MNAT1: variants seen among roughly 807,000 people sequenced by gnomAD.
The protein encoded by MNAT1 is MNAT1 component of CDK activating kinase.
Under a neutral mutation model 42.0 loss-of-function variants are expected in MNAT1, and 43 were observed. The ratio of observed to expected loss-of-function variants is 1.02; its 90% confidence interval spans 0.80 to 1.32. The LOEUF is 1.32. Ranked by LOEUF, MNAT1 falls within the 40% of genes most tolerant of loss-of-function variation. The probability of loss-of-function intolerance (pLI) is 0.00; values close to 1 mark genes in which losing one functional copy is unlikely to be tolerated. For synonymous variants in MNAT1, 118 were observed against 120.0 expected, an observed-to-expected ratio of 0.98 and a Z score of 0.11; for missense variants, 306 against 350.4, an observed-to-expected ratio of 0.87 and a Z score of 1.01.
At chr14:60,937,369 T>A (rs2036021103) in intron 7 of MNAT1, among the ~76,000 whole-genome samples, 1 of 152,230 alleles carries the variant, frequency 6.6e-6, no homozygotes, top group Admixed American at 6.5e-5. Context: ...GGTCTAACAT[T>A]TAAGTCTTTA....
At chr14:60,933,041 C>CCTA (rs1230428642) in intron 7 of MNAT1, among the ~76,000 whole-genome samples, 3 of 151,902 alleles carry the variant, frequency 2.0e-5, no homozygotes, top group Non-Finnish European at 4.4e-5. Context: ...AGGTAACCTA[C>CCTA]CTAACATTCT....
At chr14:60,862,199 T>A (rs1268270562) in intron 6 of MNAT1, among the ~76,000 whole-genome samples, 1 of 152,164 alleles carries the variant, frequency 6.6e-6, no homozygotes, top group African/African-American at 2.4e-5. Context: ...TATCCTCAGA[T>A]CTGAAGATTA....
At chr14:60,784,177 T>G (rs950105769) in intron 1 of MNAT1, among the ~76,000 whole-genome samples, 2 of 115,450 alleles carry the variant, frequency 1.7e-5, no homozygotes, top group Admixed American at 1.1e-4. Flanking sequence ...CATGCCTGGC[T>G]AATTTTTTTT....
chr14:60,909,566 T>TTTG (rs1464806217), intron 7 of MNAT1, among the ~76,000 whole-genome samples: 2 of 152,144 alleles, frequency 1.3e-5, no homozygotes, highest in African/African-American at 4.8e-5. Context: ...CCCAGCACCA[T>TTTG]TTATTAAATA....
chr14:60,736,840 G>A (rs1034898612), intron 1 of MNAT1, among the ~76,000 whole-genome samples: 4 of 152,016 alleles, frequency 2.6e-5, no homozygotes, highest in Non-Finnish European at 5.9e-5. Flanking sequence ...TTAGTATTCT[G>A]TCACATAATA....
chr14:60,770,996 G>A (rs2031032131), intron 1 of MNAT1, among the ~76,000 whole-genome samples: 2 of 152,080 alleles, frequency 1.3e-5, no homozygotes, highest in Non-Finnish European at 2.9e-5. Flanking sequence ...AAATTATACT[G>A]CTGTAACATT....
chr14:60,869,317 A>C (rs529662955), intron 6 of MNAT1, among the ~76,000 whole-genome samples: 1 of 151,990 alleles, frequency 6.6e-6, no homozygotes, highest in African/African-American at 2.4e-5. Flanking sequence ...CTAGGATTAC[A>C]GGCGTGAGCC....
At chr14:60,943,022 GTGTGTGTGTGTGTGT>G (rs2036203856) in intron 7 of MNAT1, among the ~76,000 whole-genome samples, 1 of 131,362 alleles carries the variant, frequency 7.6e-6, no homozygotes, top group Admixed American at 7.9e-5. Context: ...GTGTGTGTGT[GTGTGTGTGTGTGTGT>G]GTGTGTGTGT....
chr14:60,761,605 G>GTT (rs1254561103), intron 1 of MNAT1, among the ~76,000 whole-genome samples: 1 of 152,150 alleles, frequency 6.6e-6, no homozygotes, highest in African/African-American at 2.4e-5. Context: ...TTTTCAAAAA[G>GTT]TTGCAAAGCA....
chr14:60,891,640 A>G (rs1274168645), intron 7 of MNAT1, among the ~76,000 whole-genome samples: 2 of 151,948 alleles, frequency 1.3e-5, no homozygotes, highest in Non-Finnish European at 2.9e-5. Context: ...TTTAGTAGAG[A>G]CCGGGTTTTA....
chr14:60,890,487 TCA>T (rs1380715002), intron 7 of MNAT1, among the ~76,000 whole-genome samples: 1 of 152,128 alleles, frequency 6.6e-6, no homozygotes, highest in Non-Finnish European at 1.5e-5. Flanking sequence ...GAGTATTGAC[TCA>T]CACGATCACA....
chr14:60,899,438 T>G (rs1283176362), intron 7 of MNAT1, among the ~76,000 whole-genome samples: 1 of 152,162 alleles, frequency 6.6e-6, no homozygotes, highest in Non-Finnish European at 1.5e-5. Context: ...AGAAGAAAAT[T>G]TCTTGCTTGA....
intron 1 of MNAT1, among the ~76,000 whole-genome samples, chr14:60,791,125 G>A (rs114716017): frequency 2.6e-5 from 4 of 152,048 alleles, no homozygotes; most frequent in Middle Eastern, 3.4e-3. Context: ...ACACAGCTCC[G>A]TTTTTCTGGC....
At chr14:60,801,960 T>G (rs1354327016) in intron 3 of MNAT1, among the ~76,000 whole-genome samples, 1 of 152,206 alleles carries the variant, frequency 6.6e-6, no homozygotes, top group African/African-American at 2.4e-5. Context: ...AAGGTAATTC[T>G]GTAATATGCA....
At chr14:60,894,190 T>C (rs141201026) in intron 7 of MNAT1, among the ~76,000 whole-genome samples, 74 of 152,224 alleles carry the variant, frequency 4.9e-4, no homozygotes, top group South Asian at 1.0e-3. Context: ...TGTTTCAATG[T>C]AGGACTAGGA....
intron 1 of MNAT1, chr14:60,780,362 CG>C: frequency 6.3e-7 from 1 of 1,579,024 alleles, no homozygotes; most frequent in Non-Finnish European, 8.7e-7. Context: ...GGATGAAATC[CG>C]TTCAGTCATC....
intron 7 of MNAT1, among the ~76,000 whole-genome samples, chr14:60,938,028 G>T (rs1219860006): frequency 1.3e-5 from 2 of 152,150 alleles, no homozygotes; most frequent in African/African-American, 4.8e-5. Flanking sequence ...TTGGCTGTTT[G>T]TCTGTTATTG....
intron 7 of MNAT1, among the ~76,000 whole-genome samples, chr14:60,886,007 C>G (rs2034660936): frequency 6.6e-6 from 1 of 151,950 alleles, no homozygotes; most frequent in African/African-American, 2.4e-5. Flanking sequence ...GTGCCATTGA[C>G]TAAAAATATT....
chr14:60,846,331 C>T (rs2033682243), intron 6 of MNAT1, among the ~76,000 whole-genome samples: 1 of 151,996 alleles, frequency 6.6e-6, no homozygotes, highest in African/African-American at 2.4e-5. Flanking sequence ...GCACATCAAC[C>T]TAGCGGTGTG....
Sources: gnomAD v4.1 joint callset for allele counts (sites outside exome capture counted in the v4.1 genomes callset) on GRCh38, gnomAD v4.1.1 for gene constraint, MANE v1.5 for transcripts, NCBI Gene and HGNC (gene_info 2026-07-23, HGNC 2026-07-21) for gene names.